Variants in NAV2 observed in about 807,000 individuals in gnomAD.
NAV2 encodes the protein neuron navigator 2.
In NAV2, 54 loss-of-function variants were observed where a neutral mutation model predicts 223.2. The observed-to-expected ratio is 0.24, with a 90% CI of 0.19 to 0.30. The LOEUF (loss-of-function observed/expected upper bound fraction) is 0.30. Ranked by LOEUF, NAV2 falls within the 10% of genes least tolerant of loss-of-function variation. The pLI, the probability that NAV2 is intolerant of heterozygous loss-of-function variation, is 1.00. For synonymous variants in NAV2, 1,279 were observed against 1,239.3 expected (o/e 1.03, Z -0.67); for missense variants, 2,806 against 3,147.5 (o/e 0.89, Z 2.60).
At chr11:19,349,648 T>C (rs992817209), upstream of NAV2, among the ~76,000 whole-genome samples, 1 of 152,176 alleles carries the variant, frequency 6.6e-6, no homozygotes, top group Non-Finnish European at 1.5e-5. Context: ...TTCCTTTCCT[T>C]CCTGATGGTG....
intron 1 of NAV2, among the ~76,000 whole-genome samples, chr11:19,539,162 G>A (rs2044270779): frequency 6.6e-6 from 1 of 152,178 alleles, no homozygotes; most frequent in South Asian, 2.1e-4. Flanking sequence ...TCTACGTACT[G>A]AGCCTCATTA....
At chr11:19,854,973 T>C (rs930880971) in intron 3 of NAV2, among the ~76,000 whole-genome samples, 2 of 152,176 alleles carry the variant, frequency 1.3e-5, no homozygotes, top group African/African-American at 4.8e-5. Context: ...GTTTGGTTGT[T>C]AATGCCCCAT....
At chr11:19,725,238 A>T (rs2051138582) in intron 1 of NAV2, among the ~76,000 whole-genome samples, 1 of 152,226 alleles carries the variant, frequency 6.6e-6, no homozygotes. Context: ...CCAAGGTCAC[A>T]CACCCAGTGA....
In NAV2 at chr11:20,097,603, G is replaced by A. The variant is rs756104950; in HGVS notation, c.6039G>A (p.Val2013=). 3.7e-6 allele frequency: 6 copies of A among 1,602,820 alleles called. No homozygotes were observed. In the Admixed American group the frequency reaches 1.1e-4, roughly 28 times the overall value. Residue 2013 remains valine, a synonymous_variant, in exon 31 of 38, where the codon GTG becomes GTA. Transcript: ENST00000349880. ...FKEYIIHVDP[V]SQLGLNSDSV... is the part of the protein sequence containing the mutation. ...AATACATCATTCATGTCGACCCAGT[G>A]AGTCAGCTAGGGCTGAATTCAGACA...
At chr11:20,037,345 G>T (rs1323248313) in intron 12 of NAV2, among the ~76,000 whole-genome samples, 2 of 149,144 alleles carry the variant, frequency 1.3e-5, no homozygotes, top group Non-Finnish European at 3.0e-5. Context: ...TTCTTTTAAA[G>T]GTATCTCTTC....
At chr11:19,531,490 A>G (rs1371677852) in intron 1 of NAV2, among the ~76,000 whole-genome samples, 2 of 152,148 alleles carry the variant, frequency 1.3e-5, no homozygotes, top group African/African-American at 4.8e-5. Flanking sequence ...AAATGATTGG[A>G]CTCAGAATTT....
chr11:19,917,883 C>T (rs1168282461), intron 6 of NAV2, among the ~76,000 whole-genome samples: 3 of 152,242 alleles, frequency 2.0e-5, no homozygotes, highest in Non-Finnish European at 4.4e-5. Flanking sequence ...TCCAAAAGTG[C>T]TGGGATTACA....
At chr11:19,846,868 T>A (rs1683398393) in intron 3 of NAV2, among the ~76,000 whole-genome samples, 1 of 152,206 alleles carries the variant, frequency 6.6e-6, no homozygotes, top group Admixed American at 6.5e-5. Context: ...CAGCCTTGGC[T>A]TGTTTTTAAG....
intron 20 of NAV2, among the ~76,000 whole-genome samples, chr11:20,064,690 C>T (rs1017734525): frequency 3.3e-5 from 5 of 152,022 alleles, no homozygotes; most frequent in Admixed American, 2.0e-4. Context: ...GGTATGGGGA[C>T]GTGAAGATAC....
At chr11:20,018,113 G>T (rs947042623) in intron 11 of NAV2, among the ~76,000 whole-genome samples, 9 of 152,088 alleles carry the variant, frequency 5.9e-5, no homozygotes, top group African/African-American at 2.2e-4. Flanking sequence ...CAGCACTTTG[G>T]GAGGCCAAGG....
intron 11 of NAV2, among the ~76,000 whole-genome samples, chr11:19,991,280 T>C (rs1379068120): frequency 2.6e-5 from 4 of 152,088 alleles, no homozygotes; most frequent in Non-Finnish European, 5.9e-5. Context: ...TGCATGCCAC[T>C]GCACCCGGCT....
intron 1 of NAV2, among the ~76,000 whole-genome samples, chr11:19,355,958 G>A (rs899212033): frequency 1.3e-5 from 2 of 152,184 alleles, no homozygotes. Context: ...GTTAGGTGAG[G>A]ATGAGGCTTC....
chr11:19,984,095 C>G (rs2050546375), intron 10 of NAV2, 30 bp from the exon 11 acceptor site: 1 of 1,613,836 alleles, frequency 6.2e-7, no homozygotes, highest in East Asian at 2.2e-5. Context: ...TTTGGACATT[C>G]ATGTGCATCA....
At chr11:19,491,756 T>C (rs1164135129) in intron 1 of NAV2, among the ~76,000 whole-genome samples, 1 of 152,238 alleles carries the variant, frequency 6.6e-6, no homozygotes, top group African/African-American at 2.4e-5. Context: ...ACAATTTGGC[T>C]GTTTTGTGCA....
At chr11:19,921,545 T>C (rs1029294806) in intron 6 of NAV2, among the ~76,000 whole-genome samples, 2 of 152,240 alleles carry the variant, frequency 1.3e-5, no homozygotes, top group Non-Finnish European at 2.9e-5. Flanking sequence ...CAAACTTTGT[T>C]GTAAAGTTTC....
intron 1 of NAV2, among the ~76,000 whole-genome samples, chr11:19,406,150 C>T (rs186993156): frequency 1.9e-3 from 296 of 152,262 alleles, no homozygotes; most frequent in Non-Finnish European, 3.3e-3. Flanking sequence ...TTTGTATTCT[C>T]CCCCCAGGTT....
intron 1 of NAV2, among the ~76,000 whole-genome samples, chr11:19,453,558 T>A (rs1331056920): frequency 6.6e-6 from 1 of 152,232 alleles, no homozygotes; most frequent in African/African-American, 2.4e-5. Flanking sequence ...GGAGCCCCCA[T>A]GGGCTGCCTG....
At chr11:19,477,084 G>T (rs2042140299) in intron 1 of NAV2, among the ~76,000 whole-genome samples, 1 of 152,162 alleles carries the variant, frequency 6.6e-6, no homozygotes, top group Admixed American at 6.5e-5. Context: ...GATAAATATG[G>T]CCAGTCTTGG....
At chr11:19,632,265 T>C (rs1375931006) in intron 1 of NAV2, among the ~76,000 whole-genome samples, 1 of 152,232 alleles carries the variant, frequency 6.6e-6, no homozygotes, top group African/African-American at 2.4e-5. Context: ...TTGGTCTTTT[T>C]TCTAGCAATT....
Sources: allele counts gnomAD v4.1 joint callset (sites outside exome capture counted in the v4.1 genomes callset), GRCh38; gene constraint gnomAD v4.1.1; transcripts MANE v1.5; gene names NCBI Gene and HGNC (gene_info 2026-07-23, HGNC 2026-07-21).